TBC1D15: variants seen among roughly 807,000 people sequenced by gnomAD.
TBC1D15 encodes the protein TBC1 domain family member 15, also known as GAP for RAB7.
In TBC1D15, 39 loss-of-function variants were observed where a neutral mutation model predicts 95.4. The observed-to-expected ratio is 0.41, with a 90% CI of 0.32 to 0.53. The LOEUF (loss-of-function observed/expected upper bound fraction) is 0.53. Among genes scored for constraint, TBC1D15 ranks in the 20% least tolerant of loss-of-function variants. The pLI is 0.29. For synonymous variants in TBC1D15, 258 were observed against 261.3 expected (o/e 0.99, Z 0.12); for missense variants, 733 against 794.3 (o/e 0.92, Z 0.93).
intron 1 of TBC1D15, among the ~76,000 whole-genome samples, chr12:71,867,767 G>A (rs901479270): frequency 5.3e-5 from 8 of 152,212 alleles, no homozygotes; most frequent in African/African-American, 1.7e-4. Flanking sequence ...GGGATTACAG[G>A]CGTGAGCCAC....
intron 3 of TBC1D15, among the ~76,000 whole-genome samples, chr12:71,874,599 C>CACTT (rs1217941553): frequency 6.6e-6 from 1 of 150,884 alleles, no homozygotes; most frequent in Non-Finnish European, 1.5e-5. Context: ...ATCTTTTGCC[C>CACTT]ATTTATTTAT....
chr12:71,883,405 G>A (rs952243189), intron 4 of TBC1D15, among the ~76,000 whole-genome samples: 1 of 152,098 alleles, frequency 6.6e-6, no homozygotes, highest in Non-Finnish European at 1.5e-5. Context: ...TGTCCAAACT[G>A]GTGTGAAAGC....
intron 1 of TBC1D15, among the ~76,000 whole-genome samples, chr12:71,850,866 A>G (rs899077424): frequency 6.6e-6 from 1 of 151,474 alleles, no homozygotes; most frequent in Non-Finnish European, 1.5e-5. Context: ...GCGCGCCTAT[A>G]GTCCCAACTA....
At chr12:71,879,788 T>C (rs540659028) in intron 3 of TBC1D15, among the ~76,000 whole-genome samples, 1 of 151,554 alleles carries the variant, frequency 6.6e-6, no homozygotes, top group African/African-American at 2.4e-5. Flanking sequence ...CTAAATAAAT[T>C]AATAGGAGTT....
intron 5 of TBC1D15, among the ~76,000 whole-genome samples, chr12:71,887,567 G>C (rs1896480085): frequency 1.3e-5 from 2 of 152,022 alleles, no homozygotes; most frequent in Admixed American, 1.3e-4. Flanking sequence ...CTTGTCTTAA[G>C]GTCCTTTATG....
intron 1 of TBC1D15, among the ~76,000 whole-genome samples, chr12:71,853,215 G>T (rs1377890785): frequency 6.6e-6 from 1 of 152,198 alleles, no homozygotes; most frequent in Non-Finnish European, 1.5e-5. Context: ...GGAATAGAGA[G>T]AGGGGAGGTG....
At chr12:71,867,941 A>G (rs531045714) in intron 1 of TBC1D15, among the ~76,000 whole-genome samples, 138 of 152,368 alleles carry the variant, frequency 9.1e-4, no homozygotes, top group African/African-American at 3.3e-3. Flanking sequence ...GAAGTAAATT[A>G]TGTACCAATG....
chr12:71,873,545 G>GT (rs1282070276), intron 3 of TBC1D15, among the ~76,000 whole-genome samples: 2 of 152,248 alleles, frequency 1.3e-5, no homozygotes, highest in South Asian at 2.1e-4. Flanking sequence ...TCATGTGCAG[G>GT]TTTTTTGTGT....
chr12:71,843,635 G>T (rs1297216644), intron 1 of TBC1D15, among the ~76,000 whole-genome samples: 1 of 151,802 alleles, frequency 6.6e-6, no homozygotes, highest in African/African-American at 2.4e-5. Context: ...ACACAGACTT[G>T]TATTATTATT....
At chr12:71,899,246 A>C (rs1469493155) in intron 10 of TBC1D15, among the ~76,000 whole-genome samples, 2 of 152,192 alleles carry the variant, frequency 1.3e-5, no homozygotes, top group African/African-American at 2.4e-5. Context: ...CTGGTAGGAA[A>C]ATTTAGATAT....
chr12:71,844,318 C>T (rs1565931714), intron 1 of TBC1D15, among the ~76,000 whole-genome samples: 1 of 152,186 alleles, frequency 6.6e-6, no homozygotes, highest in East Asian at 1.9e-4. Context: ...GCTTATGCAG[C>T]CCTTTATGAT....
intron 3 of TBC1D15, 77 bp from the exon 4 acceptor site, chr12:71,880,392 A>G (rs1237717742): frequency 1.5e-6 from 2 of 1,307,356 alleles, no homozygotes; most frequent in African/African-American, 1.5e-5. Context: ...GCCTACAAAC[A>G]TTGAAGCTAA....
intron 1 of TBC1D15, among the ~76,000 whole-genome samples, chr12:71,867,112 C>T (rs563578726): frequency 2.0e-5 from 3 of 152,270 alleles, no homozygotes; most frequent in Middle Eastern, 3.4e-3. Flanking sequence ...TTTAGGAGTT[C>T]AGATGAGAGT....
chr12:71,872,314 A>G (rs1000478204), intron 2 of TBC1D15, 146 bp downstream of exon 2: 36 of 486,820 alleles, frequency 7.4e-5, no homozygotes, highest in Non-Finnish European at 1.2e-4. Flanking sequence ...AAATGATGTA[A>G]TAGTCAAACA....
At position 71,869,523 on chromosome 12, in the gene TBC1D15, AAAAACAAAAC is replaced by A. The variant is rs200957061; in HGVS notation, c.31-2526_31-2517del. Reference sequence around the variant, plus strand: ...GGGCAACAGAGCAAAACTGTGTCTCAAAAACAAAACAAAACAAAACAAAACAAAACTCAAG... The same window carrying A: ...GGGCAACAGAGCAAAACTGTGTCTCAAAAACAAAACAAAACAAAACTCAAG... On this transcript the variant is annotated intron_variant, in intron 1 of 16. Transcript: ENST00000485960. Among the ~76,000 whole-genome samples, 132 of 152,216 alleles carry A rather than the reference AAAAACAAAAC, an allele frequency of 8.7e-4. 1 individual carries two copies. The East Asian group carries it at 0.016, about 19-fold the overall frequency.
At chr12:71,870,454 G>T (rs1035778) in intron 1 of TBC1D15, among the ~76,000 whole-genome samples, 60,001 of 152,050 alleles carry the variant, frequency 0.39, 14,034 homozygotes, top group African/African-American at 0.64. Context: ...GCTATTTCAG[G>T]AAAGGCCATC....
At chr12:71,865,501 T>G (rs1891295504) in intron 1 of TBC1D15, among the ~76,000 whole-genome samples, 1 of 152,064 alleles carries the variant, frequency 6.6e-6, no homozygotes, top group South Asian at 2.1e-4. Context: ...ATGGTGGGGC[T>G]TGGCAGTATC....
intron 1 of TBC1D15, among the ~76,000 whole-genome samples, chr12:71,847,011 T>C (rs1187351938): frequency 1.6e-4 from 24 of 152,104 alleles, no homozygotes; most frequent in Admixed American, 1.6e-3. Context: ...CCGCTCACCT[T>C]GGCCTCCTAA....
At chr12:71,920,892 T>C (rs1327432449) in intron 15 of TBC1D15, 45 bp downstream of exon 15, 1 of 1,401,960 alleles carries the variant, frequency 7.1e-7, no homozygotes, top group Non-Finnish European at 1.0e-6. Flanking sequence ...GGCTTTTCTA[T>C]TTGGTGGTCC....
Sources: gnomAD v4.1 joint callset for allele counts (sites outside exome capture counted in the v4.1 genomes callset) on GRCh38, gnomAD v4.1.1 for gene constraint, MANE v1.5 for transcripts, NCBI Gene and HGNC (gene_info 2026-07-23, HGNC 2026-07-21) for gene names.